ELP3: variants seen among roughly 807,000 people sequenced by gnomAD.
ELP3 encodes elongator complex protein 3.
ELP3 carries 56 observed loss-of-function variants against 74.9 expected under a neutral mutation model. That is an observed-to-expected ratio of 0.75 (90% CI 0.60 to 0.93). The LOEUF (loss-of-function observed/expected upper bound fraction) is 0.93, where lower values mean the gene tolerates loss of function less well. Among genes scored for constraint, ELP3 ranks in the 40% least tolerant of loss-of-function variants. ELP3 has a pLI of 0.00. For missense variants in ELP3, 573 were observed against 686.5 expected (o/e 0.83, Z 1.85); for synonymous variants, 222 against 239.8 (o/e 0.93, Z 0.68).
chr8:28,156,139 T>A (rs1311110867), intron 11 of ELP3, 107 bp downstream of exon 11: 1 of 841,940 alleles, frequency 1.2e-6, no homozygotes, highest in East Asian at 2.7e-5. Flanking sequence ...GCGGGTCAGG[T>A]CAGAAAGCTC....
At chr8:28,103,571 A>T (rs972153976) in intron 3 of ELP3, among the ~76,000 whole-genome samples, 5 of 152,242 alleles carry the variant, frequency 3.3e-5, no homozygotes, top group Admixed American at 2.0e-4. Flanking sequence ...CAACAAGTGC[A>T]ACTGGTAGAT....
chr8:28,091,841 G>A (rs1299450243), upstream of ELP3, among the ~76,000 whole-genome samples: 1 of 152,204 alleles, frequency 6.6e-6, no homozygotes, highest in Non-Finnish European at 1.5e-5. Flanking sequence ...TCCAAAGAGG[G>A]TTTTGAGGAC....
At chr8:28,135,656 G>A (rs772465625) in intron 9 of ELP3, among the ~76,000 whole-genome samples, 7 of 152,128 alleles carry the variant, frequency 4.6e-5, no homozygotes, top group Non-Finnish European at 7.3e-5. Flanking sequence ...AAGGGTTAAC[G>A]GATAATTCCC....
At chr8:28,153,914 T>TA (rs1408326825) in intron 10 of ELP3, among the ~76,000 whole-genome samples, 2 of 152,190 alleles carry the variant, frequency 1.3e-5, no homozygotes, top group African/African-American at 4.8e-5. Flanking sequence ...GCCCTACCTT[T>TA]AGGCCTCTGC....
intron 10 of ELP3, among the ~76,000 whole-genome samples, chr8:28,140,329 T>A (rs1490652038): frequency 1.3e-5 from 2 of 152,142 alleles, no homozygotes; most frequent in Admixed American, 6.5e-5. Context: ...CTGGGACAAT[T>A]TGAGCATCAA....
rs1199065114 is a variant in ELP3, at chr8:28,147,022, T to C, written c.1101-8920T>C. ...GTCTCATAGGGTCTTGCACTTGGCT[T>C]AATATTCTGCTGTCACCGTCTTGAA... On this transcript the variant is annotated intron_variant, in intron 10 of 14. Coordinates refer to ENST00000256398, the MANE Select transcript of ELP3 (RefSeq NM_018091.6). This position sits in a 1 kb window ranked among gnomAD's most constrained non-coding sequence, Gnocchi z 4.5. Among the ~76,000 whole-genome samples the C allele has an allele frequency of 6.6e-6, 1 of 152,178 alleles. No individual in the cohort carries two copies. Among genetic ancestry groups the C allele is most frequent in the Non-Finnish European group, 1.5e-5 (1 of 68,022 alleles).
At chr8:28,100,393 G>T (rs1811428895) in intron 3 of ELP3, among the ~76,000 whole-genome samples, 2 of 152,234 alleles carry the variant, frequency 1.3e-5, no homozygotes, top group African/African-American at 4.8e-5. Flanking sequence ...AAAAGGGGCT[G>T]GGGAAGGCCC....
chr8:28,121,025 C>T (rs965727046), intron 7 of ELP3, among the ~76,000 whole-genome samples: 3 of 152,096 alleles, frequency 2.0e-5, no homozygotes, highest in African/African-American at 7.2e-5. Flanking sequence ...AGGTCCTTTG[C>T]ATTTCTATGT....
At chr8:28,112,852 C>G (rs1156335345) in intron 6 of ELP3, among the ~76,000 whole-genome samples, 167 bp from the exon 7 acceptor site, 1 of 152,010 alleles carries the variant, frequency 6.6e-6, no homozygotes, top group Non-Finnish European at 1.5e-5. Flanking sequence ...TTTTTTCTTT[C>G]AGACTTGGGC....
chr8:28,119,044 A>G (rs920586906), intron 7 of ELP3: 1 of 152,270 alleles, frequency 6.6e-6, no homozygotes, highest in African/African-American at 2.4e-5. Context: ...GAGACCTGAG[A>G]GTGAGTGACT....
chr8:28,179,722 C>T (rs1231043802), intron 14 of ELP3, among the ~76,000 whole-genome samples: 2 of 152,182 alleles, frequency 1.3e-5, no homozygotes, highest in Non-Finnish European at 2.9e-5. Context: ...AGCACACAAC[C>T]TAGGTCCCTT....
intron 14 of ELP3, among the ~76,000 whole-genome samples, chr8:28,180,489 T>G (rs17058689): frequency 0.076 from 11,522 of 152,288 alleles, 840 homozygotes; most frequent in East Asian, 0.33. Flanking sequence ...TGTTTCCAGT[T>G]GTTTTCAGAC....
rs139935610 is a variant in ELP3, at chr8:28,112,231, G to A, written c.463-788G>A. ...ACAATCTTGGGTCACTGCAACCTCC[G>A]CCTCCTGGTTCAAGCGATTCTCTTG... is the stretch of plus-strand genomic sequence containing the variant. On this transcript the variant is annotated intron_variant, in intron 6 of 14. Transcript: ENST00000256398. Among the ~76,000 whole-genome samples, 381 of 151,890 alleles carry A rather than the reference G, an allele frequency of 2.5e-3. 3 individuals are homozygous for A. Among genetic ancestry groups the A allele is most frequent in the South Asian group, 0.017 (84 of 4,808 alleles).
intron 7 of ELP3, among the ~76,000 whole-genome samples, chr8:28,122,552 G>C (rs1812414791): frequency 6.6e-6 from 1 of 152,120 alleles, no homozygotes; most frequent in Non-Finnish European, 1.5e-5. Context: ...GAATTTGTCT[G>C]TTTCATTCAT....
rs1454595784 is a variant in ELP3 at position 28,132,320 on chromosome 8, C to A, written c.822C>A (p.Ala274=). 6.2e-6 allele frequency: 10 copies of A among 1,613,962 alleles called. No homozygotes were observed. Among genetic ancestry groups the A allele is most frequent in the Non-Finnish European group, 8.5e-6 (10 of 1,179,992 alleles). The change falls in exon 9 of 15, where the codon GCC becomes GCA. Residue 274 remains alanine (A), a synonymous_variant. Coordinates refer to ENST00000256398, the MANE Select transcript of ELP3 (RefSeq NM_018091.6). Reference sequence around the variant, plus strand: ...CAGTGTGTGAGTCATTTCACCTGGCCAAAGATTCCGGTTTTAAAGTGGTGG... The same window carrying A: ...CAGTGTGTGAGTCATTTCACCTGGCAAAAGATTCCGGTTTTAAAGTGGTGG... ...VKAVCESFHL[A]KDSGFKVVAH... is the part of the protein sequence containing the mutation.
chr8:28,118,595 C>T (rs1187560124), intron 7 of ELP3, among the ~76,000 whole-genome samples: 3 of 152,166 alleles, frequency 2.0e-5, no homozygotes, highest in Non-Finnish European at 4.4e-5. Flanking sequence ...TGACTGTCAT[C>T]GTGTAACAAT....
chr8:28,122,762 C>A (rs185599068), intron 7 of ELP3, among the ~76,000 whole-genome samples: 1 of 152,120 alleles, frequency 6.6e-6, no homozygotes, highest in African/African-American at 2.4e-5. Flanking sequence ...ACTCTGTAGA[C>A]TTCTGCTTTT....
intron 10 of ELP3, among the ~76,000 whole-genome samples, chr8:28,149,182 G>A (rs573814736): frequency 3.2e-4 from 49 of 152,342 alleles, no homozygotes; most frequent in South Asian, 1.9e-3. Flanking sequence ...AGAGCAGCTC[G>A]AACAGACTCA....
chr8:28,128,520 G>T (rs1162130889), intron 7 of ELP3, among the ~76,000 whole-genome samples: 1 of 152,130 alleles, frequency 6.6e-6, no homozygotes, highest in East Asian at 1.9e-4. Context: ...AGTCTGGGGT[G>T]GGTCCACGCT....
Sources: allele counts gnomAD v4.1 joint callset (sites outside exome capture counted in the v4.1 genomes callset), GRCh38; gene constraint gnomAD v4.1.1; non-coding constraint Gnocchi (gnomAD v3.1); transcripts MANE v1.5; gene names NCBI Gene and HGNC (gene_info 2026-07-23, HGNC 2026-07-21).